KCTD16: variants seen among roughly 807,000 people sequenced by gnomAD.
KCTD16 encodes BTB/POZ domain-containing protein KCTD16.
In KCTD16, 13 loss-of-function variants were observed where a neutral mutation model predicts 33.2. The observed-to-expected ratio is 0.39, with a 90% CI of 0.25 to 0.62. The LOEUF (loss-of-function observed/expected upper bound fraction) is 0.62, where lower values mean the gene tolerates loss of function less well. Among genes scored for constraint, KCTD16 ranks in the 20% least tolerant of loss-of-function variants. KCTD16 has a pLI of 0.50. For missense variants in KCTD16, 441 were observed against 525.1 expected (o/e 0.84, Z 1.57); for synonymous variants, 197 against 195.3 (o/e 1.01, Z -0.07).
chr5:144,213,035 A>G (rs1461390974), intron 3 of KCTD16, among the ~76,000 whole-genome samples: 1 of 152,116 alleles, frequency 6.6e-6, no homozygotes, highest in Non-Finnish European at 1.5e-5. Context: ...ATTATTTTTA[A>G]AAGCAACATA....
chr5:144,338,981 A>G (rs1752561623), intron 3 of KCTD16, among the ~76,000 whole-genome samples: 2 of 152,178 alleles, frequency 1.3e-5, no homozygotes, highest in South Asian at 4.1e-4. Context: ...CTGAAGAGAG[A>G]CTGTCTTAAT....
chr5:144,281,706 T>C (rs893563647), intron 3 of KCTD16, among the ~76,000 whole-genome samples: 11 of 152,198 alleles, frequency 7.2e-5, no homozygotes, highest in African/African-American at 2.4e-4. Flanking sequence ...TCAAATTGAT[T>C]GATAGTGTTG....
At chr5:144,387,444 G>C (rs1752350195) in intron 3 of KCTD16, among the ~76,000 whole-genome samples, 1 of 152,152 alleles carries the variant, frequency 6.6e-6, no homozygotes, top group Non-Finnish European at 1.5e-5. Context: ...CTGGTTTTCT[G>C]AACCTAAGCC....
intron 3 of KCTD16, among the ~76,000 whole-genome samples, chr5:144,457,054 A>G (rs1754082294): frequency 1.3e-5 from 2 of 152,256 alleles, no homozygotes; most frequent in Admixed American, 6.5e-5. Flanking sequence ...TTTGAATAAA[A>G]TACAAATTTG....
chr5:144,353,019 A>T (rs1271262381), intron 3 of KCTD16, among the ~76,000 whole-genome samples: 1 of 152,150 alleles, frequency 6.6e-6, no homozygotes, highest in Non-Finnish European at 1.5e-5. Context: ...GGCTGCACAG[A>T]CCTTGGTAAT....
chr5:144,439,218 T>C, intron 3 of KCTD16: 1 of 206,974 alleles, frequency 4.8e-6, no homozygotes, highest in East Asian at 1.3e-4. Flanking sequence ...ATCGCATAAA[T>C]AAATTTACTA....
intron 3 of KCTD16, among the ~76,000 whole-genome samples, chr5:144,444,065 G>C (rs1467597923): frequency 6.6e-6 from 1 of 152,048 alleles, no homozygotes; most frequent in African/African-American, 2.4e-5. Flanking sequence ...AAGGAGGCCT[G>C]GTTTATTTCA....
chr5:144,171,644 C>T (rs944508316), intron 1 of KCTD16, among the ~76,000 whole-genome samples: 1 of 152,148 alleles, frequency 6.6e-6, no homozygotes, highest in African/African-American at 2.4e-5. Context: ...TCCAAATGTC[C>T]TTGGGGGCGG....
intron 3 of KCTD16, among the ~76,000 whole-genome samples, chr5:144,449,080 T>C (rs1220519365): frequency 2.0e-5 from 3 of 152,034 alleles, no homozygotes; most frequent in African/African-American, 7.2e-5. Flanking sequence ...ACTTTTCTGA[T>C]TTTCTGCAAT....
intron 3 of KCTD16, among the ~76,000 whole-genome samples, chr5:144,422,084 A>C (rs1200245194): frequency 6.6e-6 from 1 of 152,194 alleles, no homozygotes; most frequent in Non-Finnish European, 1.5e-5. Flanking sequence ...CTTAAATGTC[A>C]TCTACAGTCT....
intron 3 of KCTD16, among the ~76,000 whole-genome samples, chr5:144,459,785 C>T (rs187716410): frequency 1.3e-5 from 2 of 151,288 alleles, no homozygotes; most frequent in Admixed American, 1.3e-4. Context: ...CCTCTGAGGC[C>T]CTATATGATT....
chr5:144,389,113 G>T (rs1279584981), intron 3 of KCTD16, among the ~76,000 whole-genome samples: 1 of 152,154 alleles, frequency 6.6e-6, no homozygotes, highest in Non-Finnish European at 1.5e-5. Context: ...TTCAGCAGAT[G>T]AAGTCAGTCC....
chr5:144,205,411 T>A (rs1753138875), intron 2 of KCTD16: 1 of 397,930 alleles, frequency 2.5e-6, no homozygotes. Flanking sequence ...CACTGGGAAC[T>A]GTGGAACCAC....
intron 3 of KCTD16, among the ~76,000 whole-genome samples, chr5:144,426,463 C>G (rs182050028): frequency 2.6e-5 from 4 of 152,240 alleles, no homozygotes; most frequent in Admixed American, 2.6e-4. Context: ...CTAGCCTGCT[C>G]TCTAAAATTC....
At chr5:144,395,847 T>C (rs1752556519) in intron 3 of KCTD16, among the ~76,000 whole-genome samples, 1 of 152,192 alleles carries the variant, frequency 6.6e-6, no homozygotes, top group Non-Finnish European at 1.5e-5. Flanking sequence ...GCTCAGGATG[T>C]CTGTCAGCCT....
intron 3 of KCTD16, among the ~76,000 whole-genome samples, chr5:144,213,529 C>T (rs1215745611): frequency 2.0e-5 from 3 of 151,934 alleles, no homozygotes; most frequent in Admixed American, 6.6e-5. Context: ...CTATGATCTC[C>T]GTGATATTAT....
At chr5:144,374,026 T>C (rs576659032) in intron 3 of KCTD16, among the ~76,000 whole-genome samples, 1 of 152,338 alleles carries the variant, frequency 6.6e-6, no homozygotes, top group African/African-American at 2.4e-5. Context: ...CTTGCCTCTA[T>C]GTACAGACCA....
intron 2 of KCTD16, among the ~76,000 whole-genome samples, chr5:144,197,427 C>G (rs1490173236): frequency 6.6e-6 from 1 of 152,168 alleles, no homozygotes; most frequent in Admixed American, 6.5e-5. Context: ...ACTCTTAGAT[C>G]ACATGCTTGT....
At chr5:144,390,998 G>GC in intron 3 of KCTD16, among the ~76,000 whole-genome samples, 1 of 151,678 alleles carries the variant, frequency 6.6e-6, no homozygotes, top group Non-Finnish European at 1.5e-5. Context: ...GCCTTTATGA[G>GC]TACCTACAGC....
Sources: allele counts gnomAD v4.1 joint callset (sites outside exome capture counted in the v4.1 genomes callset), GRCh38; gene constraint gnomAD v4.1.1; transcripts MANE v1.5; gene names NCBI Gene and HGNC (gene_info 2026-07-23, HGNC 2026-07-21).